GALNT10: variants seen among roughly 807,000 people sequenced by gnomAD.
GALNT10 encodes polypeptide N-acetylgalactosaminyltransferase 10, also known as GalNAc transferase 10.
In GALNT10, 41 loss-of-function variants were observed where a neutral mutation model predicts 75.0. The observed-to-expected ratio is 0.55, with a 90% CI of 0.43 to 0.71. The LOEUF (loss-of-function observed/expected upper bound fraction) is 0.71, where lower values mean the gene tolerates loss of function less well. Among genes scored for constraint, GALNT10 ranks in the 30% least tolerant of loss-of-function variants. The probability of loss-of-function intolerance (pLI) is 0.00; values close to 1 mark genes in which losing one functional copy is unlikely to be tolerated. For synonymous variants in GALNT10, 302 were observed against 313.0 expected, an observed-to-expected ratio of 0.96 and a Z score of 0.37; for missense variants, 727 against 818.5, an observed-to-expected ratio of 0.89 and a Z score of 1.36.
intron 3 of GALNT10, among the ~76,000 whole-genome samples, chr5:154,316,861 A>G (rs997973141): frequency 3.3e-5 from 5 of 152,202 alleles, no homozygotes; most frequent in African/African-American, 9.7e-5. Flanking sequence ...GTGAAGCCTT[A>G]CTGAAGCCCC....
chr5:154,369,493 G>A lies in GALNT10; in HGVS notation c.569-6784G>A, dbSNP rs554862953. Among the ~76,000 whole-genome samples the A allele has an allele frequency of 3.3e-5, 5 of 152,294 alleles. No homozygotes were observed. In the East Asian group the frequency reaches 7.7e-4, roughly 24 times the overall value. On this transcript the variant is annotated intron_variant, in intron 4 of 11. Coordinates refer to ENST00000297107, the MANE Select transcript of GALNT10 (RefSeq NM_198321.4). ...TAAGCACCTGACAAATCTTGACGAT[G>A]ATAAAGGTGAGGGCCCACCTCATCT...
At chr5:154,267,273 T>C (rs1211869062) in intron 1 of GALNT10, among the ~76,000 whole-genome samples, 1 of 152,212 alleles carries the variant, frequency 6.6e-6, no homozygotes, top group Non-Finnish European at 1.5e-5. Context: ...GCTTCCCAGA[T>C]GCTCCTGCTC....
intron 1 of GALNT10, among the ~76,000 whole-genome samples, chr5:154,238,433 T>G (rs12514478): frequency 0.21 from 31,618 of 152,162 alleles, 4,115 homozygotes; most frequent in Non-Finnish European, 0.29. Context: ...CACATTAATA[T>G]GCAGATTGAA....
chr5:154,262,879 A>G (rs2431685), intron 1 of GALNT10, among the ~76,000 whole-genome samples: 37,057 of 151,910 alleles, frequency 0.24, 5,487 homozygotes, highest in African/African-American at 0.42. Flanking sequence ...AGACTGGTGA[A>G]TTGGTCCAGA....
chr5:154,322,715 C>A lies in GALNT10; in HGVS notation c.402-6857C>A, dbSNP rs1754694008. Among the ~76,000 whole-genome samples, 3 of 152,286 alleles carry A rather than the reference C, an allele frequency of 2.0e-5. No homozygotes were observed. The South Asian group carries it at 6.2e-4, about 32-fold the overall frequency. The stretch of plus-strand genomic sequence containing the variant: ...AAAATTCCCTATCCTCCCACAGGAG[C>A]TGATGTCCTCAGCCAGAGCTCACCA... On this transcript the variant is annotated intron_variant, in intron 3 of 11. Coordinates refer to ENST00000297107, the MANE Select transcript of GALNT10 (RefSeq NM_198321.4).
chr5:154,256,339 A>C (rs1157816643), intron 1 of GALNT10, among the ~76,000 whole-genome samples: 1 of 115,800 alleles, frequency 8.6e-6, no homozygotes, highest in Non-Finnish European at 1.8e-5. Flanking sequence ...TTTTAAACAG[A>C]GGCTGTTGTT....
At chr5:154,195,594 T>C (rs1407794954) in intron 1 of GALNT10, among the ~76,000 whole-genome samples, 1 of 152,180 alleles carries the variant, frequency 6.6e-6, no homozygotes, top group East Asian at 1.9e-4. Context: ...GCTGCAGAAG[T>C]CATCTAGTCC....
chr5:154,366,774 G>A (rs1344877882), intron 4 of GALNT10, among the ~76,000 whole-genome samples: 1 of 152,170 alleles, frequency 6.6e-6, no homozygotes, highest in Non-Finnish European at 1.5e-5. Flanking sequence ...AATGATTCTG[G>A]TAATGATCTA....
chr5:154,230,621 C>T (rs1163432635), intron 1 of GALNT10, among the ~76,000 whole-genome samples: 10 of 152,170 alleles, frequency 6.6e-5, no homozygotes, highest in African/African-American at 2.4e-4. Flanking sequence ...AGGTAACAAG[C>T]CCACAGTTCT....
chr5:154,224,581 T>C (rs1354117435), intron 1 of GALNT10, among the ~76,000 whole-genome samples: 1 of 152,242 alleles, frequency 6.6e-6, no homozygotes. Flanking sequence ...ATACTATTTG[T>C]ACATTTATTT....
At chr5:154,219,815 CT>C (rs1561632447) in intron 1 of GALNT10, 5 of 111,078 alleles carry the variant, frequency 4.5e-5, no homozygotes, top group Admixed American at 1.6e-4. Context: ...CTCTCGCGCT[CT>C]CTCTCTCTCT....
At chr5:154,202,821 G>A (rs987849115) in intron 1 of GALNT10, among the ~76,000 whole-genome samples, 9 of 152,156 alleles carry the variant, frequency 5.9e-5, no homozygotes, top group African/African-American at 2.2e-4. Flanking sequence ...GCTAGGGTGG[G>A]GCCTCTCTGC....
chr5:154,295,904 AT>A (rs1754264953), intron 2 of GALNT10, among the ~76,000 whole-genome samples: 1 of 152,168 alleles, frequency 6.6e-6, no homozygotes, highest in African/African-American at 2.4e-5. Context: ...TATTTTATTC[AT>A]TTTTATCTCC....
intron 4 of GALNT10, among the ~76,000 whole-genome samples, chr5:154,373,868 G>C (rs1029711368): frequency 6.6e-6 from 1 of 152,110 alleles, no homozygotes; most frequent in Non-Finnish European, 1.5e-5. Context: ...ATCTGCATTC[G>C]GGGTGATTTA....
At chr5:154,300,594 C>A (rs1212139371) in intron 3 of GALNT10, among the ~76,000 whole-genome samples, 1 of 152,180 alleles carries the variant, frequency 6.6e-6, no homozygotes, top group African/African-American at 2.4e-5. Context: ...GTGGTCACAG[C>A]TTTCTTCCAT....
At chr5:154,305,589 A>G (rs6863254) in intron 3 of GALNT10, among the ~76,000 whole-genome samples, 48,771 of 152,112 alleles carry the variant, frequency 0.32, 8,111 homozygotes, top group Non-Finnish European at 0.35. Flanking sequence ...AATAGATTTC[A>G]GAGCAAAGAA....
intron 6 of GALNT10, among the ~76,000 whole-genome samples, chr5:154,380,870 G>A (rs557215672): frequency 6.6e-6 from 1 of 152,062 alleles, no homozygotes; most frequent in African/African-American, 2.4e-5. Flanking sequence ...TGCACAGTTT[G>A]CCAGGATTGT....
chr5:154,241,417 A>G (rs142298351), intron 1 of GALNT10, among the ~76,000 whole-genome samples: 3 of 152,366 alleles, frequency 2.0e-5, no homozygotes, highest in African/African-American at 4.8e-5. Context: ...GAAATTTCCC[A>G]GTAATTGTGA....
At chr5:154,323,150 G>A (rs557509657) in intron 3 of GALNT10, among the ~76,000 whole-genome samples, 2 of 152,204 alleles carry the variant, frequency 1.3e-5, no homozygotes, top group African/African-American at 2.4e-5. Flanking sequence ...CGGGCTTTGC[G>A]GGCCACATGG....
Sources: allele counts gnomAD v4.1 joint callset (sites outside exome capture counted in the v4.1 genomes callset), GRCh38; gene constraint gnomAD v4.1.1; transcripts MANE v1.5; gene names NCBI Gene and HGNC (gene_info 2026-07-23, HGNC 2026-07-21).